The following NRXN3 variants were observed in gnomAD, a reference collection of about 807,000 sequenced individuals.
NRXN3 encodes neurexin III.
A neutral mutation model predicts 137.6 loss-of-function variants in NRXN3; 32 were observed. The ratio of observed to expected loss-of-function variants is 0.23; its 90% CI spans 0.18 to 0.31. The LOEUF is 0.31. Among genes scored for constraint, NRXN3 ranks in the 10% least tolerant of loss-of-function variants. NRXN3 has a pLI of 1.00. For synonymous variants in NRXN3, 798 were observed against 784.5 expected, an observed-to-expected ratio of 1.02 and a Z score of -0.29; for missense variants, 1,574 against 2,062.5, an observed-to-expected ratio of 0.76 and a Z score of 4.59.
At chr14:79,849,860 T>C (rs1297265597) in intron 20 of NRXN3, among the ~76,000 whole-genome samples, 2 of 152,212 alleles carry the variant, frequency 1.3e-5, no homozygotes, top group Non-Finnish European at 2.9e-5. Flanking sequence ...ACCCCTTTTC[T>C]GAGCACCCTC....
At chr14:78,825,816 G>A (rs1311164292) in intron 10 of NRXN3, among the ~76,000 whole-genome samples, 1 of 152,188 alleles carries the variant, frequency 6.6e-6, no homozygotes, top group East Asian at 1.9e-4. Flanking sequence ...AGCTGGTTTA[G>A]CATCTCATGT....
intron 6 of NRXN3, among the ~76,000 whole-genome samples, chr14:78,672,353 A>G (rs546251699): frequency 3.3e-5 from 5 of 152,216 alleles, no homozygotes; most frequent in Non-Finnish European, 7.3e-5. Context: ...TTGAGGACCA[A>G]CTGTATTTAT....
chr14:79,267,844 C>T (rs1489098823), intron 15 of NRXN3, among the ~76,000 whole-genome samples: 4 of 152,164 alleles, frequency 2.6e-5, no homozygotes, highest in Non-Finnish European at 5.9e-5. Context: ...ACTGGTATGA[C>T]ATTGGGGACT....
chr14:79,334,982 T>C (rs1729458587), intron 15 of NRXN3, among the ~76,000 whole-genome samples: 2 of 152,154 alleles, frequency 1.3e-5, no homozygotes, highest in Non-Finnish European at 2.9e-5. Context: ...TAGAGCCAAA[T>C]AAATATTCCC....
At chr14:79,536,104 C>T (rs757840478) in intron 16 of NRXN3, among the ~76,000 whole-genome samples, 1 of 152,058 alleles carries the variant, frequency 6.6e-6, no homozygotes, top group East Asian at 1.9e-4. Context: ...CATCTTTCCC[C>T]AGAGGTGGTT....
intron 13 of NRXN3, 54 bp downstream of exon 13, chr14:78,967,452 G>C: frequency 2.3e-6 from 3 of 1,331,092 alleles, no homozygotes; most frequent in Non-Finnish European, 3.2e-6. Context: ...ACAATAGATA[G>C]ACTATTTCCA....
At chr14:78,691,065 A>T (rs1345161103) in intron 6 of NRXN3, among the ~76,000 whole-genome samples, 1 of 152,192 alleles carries the variant, frequency 6.6e-6, no homozygotes, top group African/African-American at 2.4e-5. Flanking sequence ...TGAGTCATCA[A>T]AGAGTTACTT....
intron 1 of NRXN3, among the ~76,000 whole-genome samples, chr14:78,186,305 G>A (rs538589745): frequency 1.3e-5 from 2 of 152,356 alleles, no homozygotes; most frequent in Admixed American, 1.3e-4. Flanking sequence ...GATCCTGAGG[G>A]TTGGTGCTTT....
intron 10 of NRXN3, among the ~76,000 whole-genome samples, chr14:78,889,638 C>G (rs998809580): frequency 5.3e-5 from 8 of 152,006 alleles, no homozygotes; most frequent in African/African-American, 1.9e-4. Flanking sequence ...AGCTGGTACT[C>G]TGAGTACTGA....
intron 19 of NRXN3, among the ~76,000 whole-genome samples, chr14:79,715,485 T>C (rs2098820702): frequency 6.6e-6 from 1 of 152,220 alleles, no homozygotes; most frequent in Non-Finnish European, 1.5e-5. Flanking sequence ...CAGGGGCCTT[T>C]GTAGCCATTT....
In NRXN3 at chr14:79,692,176, A is replaced by G; in HGVS notation, c.3620A>G (p.Asn1207Ser). Residue 1207 changes from asparagine to serine, a missense_variant, in exon 18 of 21, where the codon AAC (asparagine) becomes AGC (serine). This residue lies in a region of NRXN3 where 133 missense variants were observed against 241.8 expected (regional missense o/e 0.55). Transcript: ENST00000335750. Reference protein sequence around the residue: ...WPVNEHYPTGNTDNERFQMVK... With the variant: ...WPVNEHYPTGSTDNERFQMVK... ...AGCTGTTTTTTAAACTTTAAAGGCA[A>G]CACTGATAATGAACGCTTCCAAATG... 1 of 1,605,478 alleles carries G rather than the reference A, an allele frequency of 6.2e-7. No individual in the cohort carries two copies. The highest frequency in any genetic ancestry group is 8.5e-7 in the Non-Finnish European group (1 of 1,176,268).
chr14:78,419,260 A>G (rs1321138952), intron 4 of NRXN3, among the ~76,000 whole-genome samples: 1 of 151,906 alleles, frequency 6.6e-6, no homozygotes, highest in African/African-American at 2.4e-5. Context: ...TTATTTTTTG[A>G]TAGGGTCTCA....
At chr14:79,038,292 G>T (rs2099619540) in intron 15 of NRXN3, among the ~76,000 whole-genome samples, 1 of 152,018 alleles carries the variant, frequency 6.6e-6, no homozygotes, top group Non-Finnish European at 1.5e-5. Flanking sequence ...AAAAGATAGA[G>T]AAGAGATAAG....
At chr14:79,526,077 TG>T (rs1328048451) in intron 16 of NRXN3, among the ~76,000 whole-genome samples, 9 of 152,280 alleles carry the variant, frequency 5.9e-5, no homozygotes, top group African/African-American at 2.2e-4. Context: ...GACGGAGTTT[TG>T]CTTTTGTTGC....
At chr14:79,659,240 C>A (rs1396593437) in intron 16 of NRXN3, among the ~76,000 whole-genome samples, 1 of 151,296 alleles carries the variant, frequency 6.6e-6, no homozygotes, top group East Asian at 1.9e-4. Context: ...GTAATGTCTT[C>A]TGATTTACCA....
chr14:78,300,611 G>A (rs1487368934), intron 4 of NRXN3: 1 of 1,200,538 alleles, frequency 8.3e-7, no homozygotes, highest in Non-Finnish European at 1.2e-6. Flanking sequence ...CTCTCTCTCT[G>A]TCTCTCTCTG....
chr14:78,493,249 T>C (rs963192393), intron 4 of NRXN3, among the ~76,000 whole-genome samples: 7 of 152,022 alleles, frequency 4.6e-5, no homozygotes, highest in Admixed American at 3.3e-4. Flanking sequence ...GGGTCAGGCA[T>C]TGTGGCTCAT....
chr14:78,567,789 G>T (rs2096850002), intron 4 of NRXN3, among the ~76,000 whole-genome samples: 1 of 151,724 alleles, frequency 6.6e-6, no homozygotes, highest in Non-Finnish European at 1.5e-5. Flanking sequence ...TCTTGCCAAC[G>T]TGGAGGTCTT....
intron 15 of NRXN3, among the ~76,000 whole-genome samples, chr14:79,033,510 G>T (rs1180198860): frequency 1.3e-5 from 2 of 152,090 alleles, no homozygotes; most frequent in African/African-American, 4.8e-5. Context: ...ATGTTCATAG[G>T]TATATCTGGA....
Sources: allele counts gnomAD v4.1 joint callset (sites outside exome capture counted in the v4.1 genomes callset), GRCh38; gene constraint gnomAD v4.1.1; regional missense constraint gnomAD v4.1.1; transcripts MANE v1.5; gene names NCBI Gene and HGNC (gene_info 2026-07-23, HGNC 2026-07-21).